The following CSDC2 variants were observed in gnomAD, a reference collection of about 807,000 sequenced individuals.
CSDC2 encodes the protein cold shock domain-containing protein C2.
Under a neutral mutation model 15.8 loss-of-function variants are expected in CSDC2, and 8 were observed. That is an observed-to-expected ratio of 0.51 (90% CI 0.30 to 0.92). CSDC2 has a LOEUF of 0.92. Ranked by LOEUF, CSDC2 falls within the 40% of genes least tolerant of loss-of-function variation. CSDC2 has a pLI of 0.07. For missense variants in CSDC2, 195 were observed against 213.3 expected (o/e 0.91, Z 0.53); for synonymous variants, 96 against 92.3 (o/e 1.04, Z -0.23).
At chr22:41,569,652 C>T (rs1024499494) in intron 1 of CSDC2, among the ~76,000 whole-genome samples, 3 of 152,076 alleles carry the variant, frequency 2.0e-5, no homozygotes, top group African/African-American at 7.2e-5. Flanking sequence ...TACCATGTGT[C>T]TAGACCATAA....
At chr22:41,569,145 C>A in intron 1 of CSDC2, among the ~76,000 whole-genome samples, 1 of 152,246 alleles carries the variant, frequency 6.6e-6, no homozygotes, top group East Asian at 1.9e-4. Context: ...GTCCCCATCG[C>A]CTGCCAACCC....
In CSDC2 at chr22:41,574,763, C is replaced by G; in HGVS notation, c.330C>G (p.Gly110=). The G allele has an allele frequency of 6.2e-7, 1 of 1,613,764 alleles. No homozygotes were observed. Among genetic ancestry groups the G allele is most frequent in the Non-Finnish European group, 8.5e-7 (1 of 1,180,014 alleles). The change falls in exon 4 of 4, where the codon GGC becomes GGG. Residue 110 remains glycine, a synonymous_variant. Transcript: ENST00000306149. ...AGGGGGAGTACGTGCCAGTGGAGGG[C>G]GACGAGGTGACCTACAAGATGTGCC... ...DIEGEYVPVE[G]DEVTYKMCPI...
intron 1 of CSDC2, among the ~76,000 whole-genome samples, chr22:41,567,360 T>C (rs557360426): frequency 2.6e-5 from 4 of 152,342 alleles, no homozygotes; most frequent in African/African-American, 9.6e-5. Flanking sequence ...ATCTCATCTG[T>C]AAAATGGAAA....
intron 1 of CSDC2, among the ~76,000 whole-genome samples, chr22:41,566,820 G>T (rs921203025): frequency 6.6e-6 from 1 of 150,988 alleles, no homozygotes; most frequent in Non-Finnish European, 1.5e-5. Flanking sequence ...CCAGCTACTC[G>T]GGAGGCTGAG....
rs769173409 is a variant in CSDC2 at position 41,572,122 on chromosome 22, C to T, written c.157C>T (p.Arg53Trp). The T allele has an allele frequency of 6.0e-6, 8 of 1,337,288 alleles. No homozygotes were observed. The South Asian group carries it at 1.0e-4, about 17-fold the overall frequency. 82.8% of individuals were successfully genotyped at this position (1,337,288 alleles called of 1,614,324 possible). A position where few individuals can be genotyped will look rare whatever the true frequency, so the allele number is the denominator to read the frequency against. The change falls in exon 2 of 4, where the codon CGG becomes TGG. Residue 53 changes from arginine to tryptophan, a missense_variant. Physicochemically the swap from Arg to Trp is moderately radical, Grantham distance 101 (BLOSUM62 -3). Transcript: ENST00000306149. ...RDLPSPLPTK[R>W]TRTYSATARA... ...CCTACCCAGCCCTCTGCCCACCAAG[C>T]GGACCAGGACCTATTCAGCGTGAGT... is the stretch of plus-strand genomic sequence containing the variant.
chr22:41,566,143 TAAAAAAA>T (rs35579661), intron 1 of CSDC2, among the ~76,000 whole-genome samples: 1 of 103,310 alleles, frequency 9.7e-6, no homozygotes, highest in Non-Finnish European at 2.0e-5. Context: ...CATCTCTGAT[TAAAAAAA>T]AAAAAAAAAA....
intron 3 of CSDC2, 124 bp downstream of exon 3, chr22:41,573,901 CCT>C: frequency 7.8e-7 from 1 of 1,288,548 alleles, no homozygotes. Context: ...CCTTTTCTGT[CCT>C]CTGAGTAGGG....
At chr22:41,570,413 C>T (rs1211265928) in intron 1 of CSDC2, among the ~76,000 whole-genome samples, 1 of 152,168 alleles carries the variant, frequency 6.6e-6, no homozygotes, top group African/African-American at 2.4e-5. Context: ...CCAGTGGACT[C>T]CTGGACTCAT....
Position 41,565,706 on chromosome 22 carries a change from G to C in CSDC2, c.-124+4523G>C, listed in dbSNP as rs143320753. On this transcript the variant is annotated intron_variant, in intron 1 of 3. Transcript: ENST00000306149. ...TCCCAGCATGGGCTGTGGTTCATCT[G>C]CCAAGAAGGCTGAGTCACCACCCAG... Among the ~76,000 whole-genome samples the C allele has an allele frequency of 8.1e-3, 1,229 of 152,352 alleles. 42 individuals are homozygous for C. The highest frequency in any genetic ancestry group is 0.06 in the Admixed American group (918 of 15,296).
At chr22:41,565,449 CAAAAAAAAAAAAA>C (rs34460484) in intron 1 of CSDC2, among the ~76,000 whole-genome samples, 1 of 57,492 alleles carries the variant, frequency 1.7e-5, no homozygotes, top group South Asian at 6.3e-4. Context: ...GATTCCATCT[CAAAAAAAAAAAAA>C]AAAAAAAAGA....
chr22:41,573,149 G>A lies in CSDC2; in HGVS notation c.177-506G>A, dbSNP rs118082222. 1.4e-3 allele frequency among the ~76,000 whole-genome samples: 214 copies of A among 152,314 alleles called. 2 individuals carry two copies. The East Asian group carries it at 0.015, about 10-fold the overall frequency. On this transcript the variant is annotated intron_variant, in intron 2 of 3. Transcript: ENST00000306149. ...CAGTTAAGGACAGGAGATCAAGCCA[G>A]TATGGCCAACATGGCCAAACACTGC...
intron 1 of CSDC2, among the ~76,000 whole-genome samples, chr22:41,568,033 C>T (rs983457891): frequency 6.6e-6 from 1 of 152,114 alleles, no homozygotes; most frequent in Admixed American, 6.5e-5. Flanking sequence ...TCTCGCCCAG[C>T]GCCCAGCGCC....
chr22:41,563,771 T>C (rs1234791033), intron 1 of CSDC2, among the ~76,000 whole-genome samples: 1 of 151,972 alleles, frequency 6.6e-6, no homozygotes, highest in Non-Finnish European at 1.5e-5. Context: ...AGTTTACTCT[T>C]TAGAAGATGG....
chr22:41,566,258 A>C (rs941303584), intron 1 of CSDC2, among the ~76,000 whole-genome samples: 2 of 151,816 alleles, frequency 1.3e-5, no homozygotes, highest in Non-Finnish European at 2.9e-5. Flanking sequence ...ATCCTGGCCA[A>C]CATGGTGAAA....
At chr22:41,561,654 C>T (rs1330495046) in intron 1 of CSDC2, among the ~76,000 whole-genome samples, 1 of 152,210 alleles carries the variant, frequency 6.6e-6, no homozygotes, top group African/African-American at 2.4e-5. Flanking sequence ...GGACCTGGAG[C>T]AGCTGTCTTA....
At chr22:41,565,442 T>C (rs2067109079) in intron 1 of CSDC2, among the ~76,000 whole-genome samples, 1 of 120,038 alleles carries the variant, frequency 8.3e-6, no homozygotes, top group Non-Finnish European at 1.7e-5. Flanking sequence ...GGAGTAAGAT[T>C]CCATCTCAAA....
At chr22:41,562,324 T>G (rs891997518) in intron 1 of CSDC2, among the ~76,000 whole-genome samples, 5 of 148,430 alleles carry the variant, frequency 3.4e-5, no homozygotes, top group Non-Finnish European at 7.4e-5. Context: ...AGCTTTGCCC[T>G]GCCGCCCCCC....
chr22:41,570,229 G>A (rs1205301980), intron 1 of CSDC2, among the ~76,000 whole-genome samples: 1 of 152,216 alleles, frequency 6.6e-6, no homozygotes, highest in Non-Finnish European at 1.5e-5. Flanking sequence ...GAGGGTCTGT[G>A]AGGCAAGCCA....
intron 1 of CSDC2, among the ~76,000 whole-genome samples, chr22:41,570,784 T>C (rs1314170519): frequency 6.8e-6 from 1 of 147,842 alleles, no homozygotes; most frequent in Non-Finnish European, 1.5e-5. Context: ...ATCACACCAC[T>C]GTACTCCAGC....
Sources: gnomAD v4.1 joint callset for allele counts (sites outside exome capture counted in the v4.1 genomes callset) on GRCh38, gnomAD v4.1.1 for gene constraint, MANE v1.5 for transcripts, NCBI Gene and HGNC (gene_info 2026-07-23, HGNC 2026-07-21) for gene names.